IL15: variants seen among roughly 807,000 people sequenced by gnomAD.
IL15 encodes interleukin-15.
IL15 carries 11 observed loss-of-function variants against 19.6 expected under a neutral mutation model. The observed-to-expected ratio is 0.56, with a 90% CI of 0.35 to 0.93. The LOEUF (loss-of-function observed/expected upper bound fraction) is 0.93, where lower values mean the gene tolerates loss of function less well. Among genes scored for constraint, IL15 ranks in the 40% least tolerant of loss-of-function variants. The probability of loss-of-function intolerance (pLI) is 0.01; values close to 1 mark genes in which losing one functional copy is unlikely to be tolerated. For synonymous variants in IL15, 58 were observed against 59.6 expected (o/e 0.97, Z 0.12); for missense variants, 197 against 186.5 (o/e 1.06, Z -0.33).
At chr4:141,700,923 C>A (rs952183417) in intron 2 of IL15, among the ~76,000 whole-genome samples, 3 of 152,206 alleles carry the variant, frequency 2.0e-5, no homozygotes, top group South Asian at 4.1e-4. Flanking sequence ...TTGAAACTTT[C>A]CACTGCATTT....
At chr4:141,684,665 C>A (rs1313008040) in intron 2 of IL15, among the ~76,000 whole-genome samples, 1 of 152,176 alleles carries the variant, frequency 6.6e-6, no homozygotes, top group African/African-American at 2.4e-5. Flanking sequence ...TATCCTCCTT[C>A]TTTCTATTCA....
intron 2 of IL15, among the ~76,000 whole-genome samples, chr4:141,665,907 A>T (rs1432648291): frequency 6.6e-6 from 1 of 152,022 alleles, no homozygotes; most frequent in Admixed American, 6.6e-5. Context: ...AACAATAAGT[A>T]TATGTCTTTT....
intron 2 of IL15, among the ~76,000 whole-genome samples, chr4:141,701,806 C>T (rs981995964): frequency 1.8e-4 from 27 of 152,174 alleles, no homozygotes; most frequent in Non-Finnish European, 4.4e-5. Flanking sequence ...TTATCCACCT[C>T]ATAGCCTCAC....
At chr4:141,720,259 T>A (rs888406079) in intron 3 of IL15, among the ~76,000 whole-genome samples, 3 of 152,124 alleles carry the variant, frequency 2.0e-5, no homozygotes, top group Admixed American at 6.5e-5. Context: ...AAATATCTGT[T>A]AAGGAACTTT....
At chr4:141,691,107 G>GTATGACTGGAGAGGCCTCA (rs70949130) in intron 2 of IL15, among the ~76,000 whole-genome samples, 2 of 152,082 alleles carry the variant, frequency 1.3e-5, no homozygotes, top group Non-Finnish European at 2.9e-5. Flanking sequence ...TTGCAGTTCT[G>GTATGACTGGAGAGGCCTCA]GGGAAGCAGG....
chr4:141,659,071 G>C (rs1017432196), intron 2 of IL15, among the ~76,000 whole-genome samples: 1 of 151,780 alleles, frequency 6.6e-6, no homozygotes, highest in African/African-American at 2.4e-5. Context: ...CCATGGTCTC[G>C]ATCTCCTGAC....
intron 2 of IL15, among the ~76,000 whole-genome samples, chr4:141,704,931 C>A (rs1467171224): frequency 2.6e-5 from 4 of 151,498 alleles, no homozygotes; most frequent in Non-Finnish European, 4.4e-5. Context: ...TGTTATGTCT[C>A]ATTTTTCATC....
intron 2 of IL15, among the ~76,000 whole-genome samples, chr4:141,656,669 G>A (rs1727614322): frequency 6.6e-6 from 1 of 152,146 alleles, no homozygotes; most frequent in Non-Finnish European, 1.5e-5. Flanking sequence ...ACAGGCGGCT[G>A]ATGAGGGTTG....
chr4:141,669,831 A>T (rs1167294638), intron 2 of IL15, among the ~76,000 whole-genome samples: 1 of 151,494 alleles, frequency 6.6e-6, no homozygotes, highest in Non-Finnish European at 1.5e-5. Flanking sequence ...AAAATGTAGG[A>T]CACCAAAAAA....
chr4:141,699,830 G>C (rs1177845411), intron 2 of IL15, among the ~76,000 whole-genome samples: 1 of 152,102 alleles, frequency 6.6e-6, no homozygotes, highest in Non-Finnish European at 1.5e-5. Context: ...CATTAATATT[G>C]AGATGTGAAG....
chr4:141,652,894 G>GT (rs770374142), intron 1 of IL15, among the ~76,000 whole-genome samples: 1 of 152,124 alleles, frequency 6.6e-6, no homozygotes, highest in Non-Finnish European at 1.5e-5. Context: ...CCAGTTATTT[G>GT]TGAGTGGGAG....
chr4:141,732,890 C>T lies in IL15; in HGVS notation c.*42C>T, dbSNP rs755218500. On this transcript the variant is annotated 3_prime_UTR_variant, in exon 8 of 8. Coordinates refer to ENST00000320650, the MANE Select transcript of IL15 (RefSeq NM_000585.5). ...TTAAAGTGTTTCTGTTATTAACAAA[C>T]ATCACTCTGCTGCTTAGACATAACA... 4 of 1,590,688 alleles carry T rather than the reference C, an allele frequency of 2.5e-6. No homozygotes were observed. The East Asian group carries it at 6.8e-5, about 27-fold the overall frequency.
At chr4:141,719,599 G>C (rs1231561918) in intron 3 of IL15, 123 bp downstream of exon 3, 1 of 713,414 alleles carries the variant, frequency 1.4e-6, no homozygotes, top group Non-Finnish European at 2.2e-6. Flanking sequence ...ACAGATGTCT[G>C]TTCACATTTG....
chr4:141,700,789 C>A (rs1478252162), intron 2 of IL15, among the ~76,000 whole-genome samples: 1 of 152,172 alleles, frequency 6.6e-6, no homozygotes, highest in East Asian at 1.9e-4. Flanking sequence ...TTTACATAAT[C>A]CCATATTTCT....
chr4:141,725,228 C>G lies in IL15; in HGVS notation c.196-2712C>G, dbSNP rs76427553. On this transcript the variant is annotated intron_variant, in intron 5 of 7. Transcript: ENST00000320650. ...AAAAGGTATCTGATAAAATGCAACA[C>G]CTCTCATGGCCTGTGTCCCTCCCTA... Among the ~76,000 whole-genome samples the G allele has an allele frequency of 4.0e-3, 612 of 152,228 alleles. 6 individuals are homozygous for G. The highest frequency in any genetic ancestry group is 0.014 in the African/African-American group (570 of 41,550).
At chr4:141,722,918 A>G (rs34903603) in intron 5 of IL15, among the ~76,000 whole-genome samples, 46,290 of 151,998 alleles carry the variant, frequency 0.3, 7,102 homozygotes, top group Non-Finnish European at 0.31. Flanking sequence ...AGAATGAATG[A>G]CAGAGGAATG....
At chr4:141,713,273 G>C (rs1729768182) in intron 2 of IL15, among the ~76,000 whole-genome samples, 1 of 152,182 alleles carries the variant, frequency 6.6e-6, no homozygotes, top group South Asian at 2.1e-4. Context: ...AATTAGGACT[G>C]AAGAGATCTG....
intron 2 of IL15, among the ~76,000 whole-genome samples, chr4:141,659,311 TG>T (rs569858825): frequency 7.4e-4 from 113 of 152,266 alleles, no homozygotes; most frequent in African/African-American, 2.6e-3. Context: ...CAAGCAATTC[TG>T]CTGCCTCAGC....
At chr4:141,689,557 C>T (rs529413536) in intron 2 of IL15, among the ~76,000 whole-genome samples, 165 of 152,086 alleles carry the variant, frequency 1.1e-3, no homozygotes, top group Non-Finnish European at 2.0e-3. Context: ...ATACAGAGTG[C>T]CGATTGGTGT....
Sources: allele counts gnomAD v4.1 joint callset (sites outside exome capture counted in the v4.1 genomes callset), GRCh38; gene constraint gnomAD v4.1.1; transcripts MANE v1.5; gene names NCBI Gene and HGNC (gene_info 2026-07-23, HGNC 2026-07-21).